Variants in CEP83 observed in about 807,000 individuals in gnomAD.
The protein encoded by CEP83 is centrosomal protein 83, also known as centrosomal protein of 83 kDa.
CEP83 carries 70 observed loss-of-function variants against 101.9 expected under a neutral mutation model. That is an observed-to-expected ratio of 0.69 (90% CI 0.57 to 0.84). The LOEUF is 0.84. Ranked by LOEUF, CEP83 falls within the 40% of genes least tolerant of loss-of-function variation. The pLI, the probability that CEP83 is intolerant of heterozygous loss-of-function variation, is 0.00. For synonymous variants in CEP83, 264 were observed against 267.9 expected, an observed-to-expected ratio of 0.99 and a Z score of 0.14; for missense variants, 715 against 787.2, an observed-to-expected ratio of 0.91 and a Z score of 1.10.
At chr12:94,451,928 TA>T (rs543694671) in intron 1 of CEP83, among the ~76,000 whole-genome samples, 208 of 152,312 alleles carry the variant, frequency 1.4e-3, no homozygotes, top group Non-Finnish European at 2.7e-3. Flanking sequence ...TGGGAAATAC[TA>T]TTCACTGGTT....
chr12:94,399,502 T>C (rs986847156), intron 6 of CEP83, among the ~76,000 whole-genome samples: 1 of 152,078 alleles, frequency 6.6e-6, no homozygotes, highest in Non-Finnish European at 1.5e-5. Flanking sequence ...TTGAGGCCAG[T>C]AGTCCGAGAT....
chr12:94,434,716 T>A (rs909531984), intron 2 of CEP83, among the ~76,000 whole-genome samples: 1 of 152,256 alleles, frequency 6.6e-6, no homozygotes, highest in African/African-American at 2.4e-5. Context: ...ATGAGTATCT[T>A]GGGGATGGGA....
chr12:94,406,110 A>T (rs1210859381), intron 4 of CEP83, among the ~76,000 whole-genome samples: 1 of 152,222 alleles, frequency 6.6e-6, no homozygotes, highest in Admixed American at 6.5e-5. Context: ...GTGGTGGGAA[A>T]TAATTAGCAC....
chr12:94,300,886 A>G, the CEP83 span: 1 of 1,596,154 alleles, frequency 6.3e-7, no homozygotes, highest in Admixed American at 1.7e-5. Flanking sequence ...CTATTTGAAA[A>G]GAGATTATTC....
intron 5 of CEP83, chr12:94,401,190 C>CA (rs1424350711): frequency 2.7e-4 from 67 of 247,134 alleles, no homozygotes; most frequent in Middle Eastern, 2.5e-3. Flanking sequence ...AAAAGATATC[C>CA]AAAAAGTAAA....
Position 94,308,101 on chromosome 12 carries a change from ATACCAACAATGT to A in CEP83, c.*700_*711del, listed in dbSNP as rs1969269954. On this transcript the variant is annotated 3_prime_UTR_variant, in exon 17 of 17. Coordinates refer to ENST00000397809, the MANE Select transcript of CEP83 (RefSeq NM_016122.3). ...CCACAGTAATGGGAAGTAAAGTTAA[ATACCAACAATGT>A]TTATAAAAGGACCTGAGTTCAAGTT... The A allele has an allele frequency of 6.6e-6, 1 of 152,244 alleles. No individual in the cohort carries two copies. The highest frequency in any genetic ancestry group is 6.5e-5 in the Admixed American group (1 of 15,278). The allele number at this position is 152,244 out of a possible 1,614,324, so 9.4% of individuals were successfully genotyped here.
intron 11 of CEP83, among the ~76,000 whole-genome samples, chr12:94,341,415 G>A (rs954451562): frequency 6.6e-6 from 1 of 151,916 alleles, no homozygotes; most frequent in Admixed American, 6.6e-5. Context: ...AATCTGTCAC[G>A]GGTTATCTAA....
chr12:94,306,211 T>TC (rs769891544), downstream of CEP83: 1 of 151,832 alleles, frequency 6.6e-6, no homozygotes, highest in Non-Finnish European at 1.5e-5. Context: ...TGGTTATGAA[T>TC]ACTTGTGTGT....
At chr12:94,317,672 T>A (rs1485033919) in intron 14 of CEP83, among the ~76,000 whole-genome samples, 2 of 152,150 alleles carry the variant, frequency 1.3e-5, no homozygotes, top group African/African-American at 2.4e-5. Flanking sequence ...GAATGGGGTG[T>A]CCTTTTTCCC....
At chr12:94,408,748 T>C (rs983777549) in intron 4 of CEP83, among the ~76,000 whole-genome samples, 1 of 152,072 alleles carries the variant, frequency 6.6e-6, no homozygotes, top group East Asian at 1.9e-4. Context: ...TCAGGCTAAC[T>C]TATTTTACTT....
intron 14 of CEP83, among the ~76,000 whole-genome samples, chr12:94,321,320 G>C (rs1379558114): frequency 1.3e-5 from 2 of 152,090 alleles, no homozygotes; most frequent in African/African-American, 2.4e-5. Context: ...CCATTCTCCT[G>C]AATCTTGATT....
chr12:94,440,689 C>T (rs919081950), intron 1 of CEP83, among the ~76,000 whole-genome samples: 1 of 151,432 alleles, frequency 6.6e-6, no homozygotes, highest in Non-Finnish European at 1.5e-5. Flanking sequence ...GAAAAAAAAT[C>T]CTAAAATTCA....
chr12:94,304,925 G>A (rs529236763), downstream of CEP83, among the ~76,000 whole-genome samples: 9 of 152,274 alleles, frequency 5.9e-5, no homozygotes, highest in East Asian at 1.7e-3. Context: ...CATAAAGCAG[G>A]GCCTAGGAAG....
chr12:94,443,024 C>T (rs2066524904), intron 1 of CEP83, among the ~76,000 whole-genome samples: 1 of 152,192 alleles, frequency 6.6e-6, no homozygotes, highest in Non-Finnish European at 1.5e-5. Flanking sequence ...ATCACCAAAA[C>T]AATCTTTCTC....
At chr12:94,330,844 T>A (rs545263766) in intron 14 of CEP83, among the ~76,000 whole-genome samples, 3 of 152,182 alleles carry the variant, frequency 2.0e-5, no homozygotes, top group African/African-American at 7.2e-5. Context: ...TCAAAACAAC[T>A]GACTTACATA....
chr12:94,398,124 T>C (rs909499858), intron 6 of CEP83, among the ~76,000 whole-genome samples: 1 of 152,230 alleles, frequency 6.6e-6, no homozygotes, highest in Non-Finnish European at 1.5e-5. Flanking sequence ...ACATTGAACA[T>C]GGACTTAGCA....
chr12:94,431,601 A>T (rs1449434417), intron 2 of CEP83, among the ~76,000 whole-genome samples: 1 of 152,058 alleles, frequency 6.6e-6, no homozygotes, highest in Non-Finnish European at 1.5e-5. Flanking sequence ...ACGGTAAAAA[A>T]AAAAAAGCCT....
At chr12:94,341,574 T>C (rs1292588856) in intron 11 of CEP83, among the ~76,000 whole-genome samples, 2 of 150,372 alleles carry the variant, frequency 1.3e-5, no homozygotes, top group Non-Finnish European at 3.0e-5. Flanking sequence ...ATGCAAATCG[T>C]GTGAATTTAA....
the CEP83 span, among the ~76,000 whole-genome samples, chr12:94,268,126 C>T: frequency 2.0e-5 from 3 of 152,202 alleles, no homozygotes; most frequent in Admixed American, 6.5e-5. Flanking sequence ...AAGGCCCCCA[C>T]ACTCGTGTTC....
Sources: allele counts gnomAD v4.1 joint callset (sites outside exome capture counted in the v4.1 genomes callset), GRCh38; gene constraint gnomAD v4.1.1; transcripts MANE v1.5; gene names NCBI Gene and HGNC (gene_info 2026-07-23, HGNC 2026-07-21).